The following PKP4 variants were observed in gnomAD, a reference collection of about 807,000 sequenced individuals.
The protein encoded by PKP4 is plakophilin-4.
In PKP4, 90 loss-of-function variants were observed where a neutral mutation model predicts 145.1. The ratio of observed to expected loss-of-function variants is 0.62; its 90% CI spans 0.52 to 0.74. The LOEUF is 0.74. Among genes scored for constraint, PKP4 ranks in the 30% least tolerant of loss-of-function variants. The probability of loss-of-function intolerance (pLI) is 0.00; values close to 1 mark genes in which losing one functional copy is unlikely to be tolerated. For synonymous variants in PKP4, 563 were observed against 577.2 expected (o/e 0.98, Z 0.35); for missense variants, 1,340 against 1,482.7 (o/e 0.90, Z 1.58).
In PKP4 at chr2:158,634,187, A is replaced by G; in HGVS notation, c.1460A>G (p.Tyr487Cys). Residue 487 changes from tyrosine (Y) to cysteine (C), a missense_variant, in exon 9 of 22, where the codon TAC (tyrosine) becomes TGC (cysteine). Tyr to Cys is a radical substitution (Grantham distance 194). Coordinates refer to ENST00000389759, the MANE Select transcript of PKP4 (RefSeq NM_003628.6). ...GCGGAGCCCTACAGGCCTATACAATACCGAGTGCAAGAGTGCAATTATAAC... is the reference window on the plus strand; with the variant it reads ...GCGGAGCCCTACAGGCCTATACAATGCCGAGTGCAAGAGTGCAATTATAAC... ...TYAEPYRPIQYRVQECNYNRL... is the reference protein window; with the variant it reads ...TYAEPYRPIQCRVQECNYNRL... 1 of 1,614,088 alleles carries G rather than the reference A, an allele frequency of 6.2e-7. No individual in the cohort carries two copies. The highest frequency in any genetic ancestry group is 8.5e-7 in the Non-Finnish European group (1 of 1,179,988).
At chr2:158,572,509 A>G (rs1437576523) in intron 2 of PKP4, among the ~76,000 whole-genome samples, 1 of 152,218 alleles carries the variant, frequency 6.6e-6, no homozygotes, top group Non-Finnish European at 1.5e-5. Flanking sequence ...GTCATCTTGA[A>G]CATGCTATTT....
At chr2:158,610,226 AT>A (rs2051014768) in intron 4 of PKP4, among the ~76,000 whole-genome samples, 2 of 152,158 alleles carry the variant, frequency 1.3e-5, no homozygotes, top group Non-Finnish European at 2.9e-5. Context: ...CTGCTGAAAC[AT>A]TTCCGAGGGA....
intron 11 of PKP4, among the ~76,000 whole-genome samples, chr2:158,654,921 G>T (rs2055767105): frequency 6.6e-6 from 1 of 151,984 alleles, no homozygotes; most frequent in African/African-American, 2.4e-5. Context: ...TATATAAAAG[G>T]ATGGATAATG....
chr2:158,563,943 A>G (rs2046758091), intron 2 of PKP4, among the ~76,000 whole-genome samples: 2 of 152,188 alleles, frequency 1.3e-5, no homozygotes, highest in Admixed American at 6.5e-5. Flanking sequence ...CAATCAGAAT[A>G]CCACGTTCGA....
chr2:158,473,459 C>G (rs901670867), intron 1 of PKP4, among the ~76,000 whole-genome samples: 1 of 152,152 alleles, frequency 6.6e-6, no homozygotes, highest in Admixed American at 6.5e-5. Flanking sequence ...ACATATACAC[C>G]GTGCAATACT....
rs982960815 is a variant in PKP4 at position 158,526,612 on chromosome 2, A to C, written c.-5-6568A>C. 1.3e-3 allele frequency among the ~76,000 whole-genome samples: 123 copies of C among 96,714 alleles called. 1 individual carries two copies. Among genetic ancestry groups the C allele is most frequent in the African/African-American group, 4.7e-3 (110 of 23,244 alleles). 63.4% of individuals were successfully genotyped at this position (96,714 alleles called of 152,430 possible). On this transcript the variant is annotated intron_variant, in intron 1 of 21. Transcript: ENST00000389759. ...CCCTCTCTCACCGCTCCTATTCAAC[A>C]TAGTGTTGGAAGTTCTGGCCAGGGC...
intron 1 of PKP4, among the ~76,000 whole-genome samples, chr2:158,520,483 A>G (rs944236064): frequency 2.0e-5 from 3 of 152,246 alleles, no homozygotes; most frequent in African/African-American, 7.2e-5. Context: ...TATTCTATTT[A>G]TCATCACTGA....
chr2:158,459,236 A>G (rs1689386384), intron 1 of PKP4, among the ~76,000 whole-genome samples: 1 of 152,220 alleles, frequency 6.6e-6, no homozygotes, highest in African/African-American at 2.4e-5. Flanking sequence ...CTAATGTCTG[A>G]AATAAGTGTT....
intron 1 of PKP4, among the ~76,000 whole-genome samples, chr2:158,487,118 A>G (rs1694277830): frequency 6.6e-6 from 1 of 152,132 alleles, no homozygotes; most frequent in Admixed American, 6.5e-5. Context: ...TGGCCAGAGA[A>G]TGGAGTTTGT....
intron 11 of PKP4, among the ~76,000 whole-genome samples, chr2:158,650,122 C>T (rs1396593084): frequency 1.3e-5 from 2 of 152,212 alleles, no homozygotes; most frequent in African/African-American, 4.8e-5. Context: ...GTGGCCAGGG[C>T]CGCTGCCCCC....
At chr2:158,477,899 A>G (rs1559196425) in intron 1 of PKP4, among the ~76,000 whole-genome samples, 1 of 152,228 alleles carries the variant, frequency 6.6e-6, no homozygotes, top group African/African-American at 2.4e-5. Context: ...TAACTGAGCT[A>G]TAGACCAGCT....
intron 17 of PKP4, among the ~76,000 whole-genome samples, chr2:158,671,521 T>C (rs941824407): frequency 1.3e-5 from 2 of 152,050 alleles, no homozygotes; most frequent in Admixed American, 1.3e-4. Context: ...ATTAAGAAAA[T>C]TGCTACCCAG....
At chr2:158,660,631 T>C (rs773285654) in intron 12 of PKP4, 3 of 152,564 alleles carry the variant, frequency 2.0e-5, no homozygotes, top group Non-Finnish European at 2.9e-5. Flanking sequence ...AGATCCTTAT[T>C]TGGTATCAAT....
chr2:158,489,724 A>T (rs918184043), intron 1 of PKP4, among the ~76,000 whole-genome samples: 3 of 152,236 alleles, frequency 2.0e-5, no homozygotes, highest in African/African-American at 7.2e-5. Context: ...CATGTCATTT[A>T]CAAAATGTTC....
intron 11 of PKP4, among the ~76,000 whole-genome samples, chr2:158,649,655 G>A (rs1438999713): frequency 1.3e-5 from 2 of 152,154 alleles, no homozygotes; most frequent in Admixed American, 6.5e-5. Flanking sequence ...GTAGGCTTCC[G>A]AGTGCCAAGC....
intron 17 of PKP4, 84 bp downstream of exon 17, chr2:158,669,999 CT>C (rs1293158935): frequency 1.8e-6 from 2 of 1,086,034 alleles, no homozygotes; most frequent in African/African-American, 3.1e-5. Context: ...GATACCTTTC[CT>C]ATTGGAAAGG....
At chr2:158,621,548 C>G (rs543168197) in intron 6 of PKP4, 127 bp downstream of exon 6, 16 of 691,388 alleles carry the variant, frequency 2.3e-5, no homozygotes, top group Non-Finnish European at 2.9e-5. Context: ...GAGTTCAAGA[C>G]CAGCCTGCCT....
intron 4 of PKP4, among the ~76,000 whole-genome samples, chr2:158,619,100 G>A (rs1300014189): frequency 2.0e-5 from 3 of 152,238 alleles, no homozygotes; most frequent in Non-Finnish European, 4.4e-5. Context: ...CTGATTTCAG[G>A]CCAGCACCTG....
intron 1 of PKP4, among the ~76,000 whole-genome samples, chr2:158,486,993 G>T (rs911487133): frequency 6.6e-6 from 1 of 152,176 alleles, no homozygotes; most frequent in Non-Finnish European, 1.5e-5. Flanking sequence ...TATCTTCCAT[G>T]TCAGCTTCAT....
Sources: gnomAD v4.1 joint callset for allele counts (sites outside exome capture counted in the v4.1 genomes callset) on GRCh38, gnomAD v4.1.1 for gene constraint, MANE v1.5 for transcripts, NCBI Gene and HGNC (gene_info 2026-07-23, HGNC 2026-07-21) for gene names.